The following FILIP1L variants were observed in gnomAD, a reference collection of about 807,000 sequenced individuals.
FILIP1L encodes the protein filamin A interacting protein 1 like.
In FILIP1L, 55 loss-of-function variants were observed where a neutral mutation model predicts 96.6. The ratio of observed to expected loss-of-function variants is 0.57; its 90% CI spans 0.46 to 0.71. The LOEUF (loss-of-function observed/expected upper bound fraction) is 0.71. FILIP1L is among the 30% of genes least tolerant of loss of function. The pLI, the probability that FILIP1L is intolerant of heterozygous loss-of-function variation, is 0.00. For synonymous variants in FILIP1L, 467 were observed against 473.9 expected (o/e 0.99, Z 0.19); for missense variants, 1,304 against 1,321.2 (o/e 0.99, Z 0.20).
At chr3:100,037,037 A>G (rs979800272) in intron 1 of FILIP1L, among the ~76,000 whole-genome samples, 26 of 152,214 alleles carry the variant, frequency 1.7e-4, no homozygotes, top group Admixed American at 9.2e-4. Flanking sequence ...CCAAAGAGAC[A>G]TAAAAACTAA....
intron 1 of FILIP1L, among the ~76,000 whole-genome samples, chr3:100,017,752 C>T (rs1202583190): frequency 6.6e-6 from 1 of 151,928 alleles, no homozygotes; most frequent in Non-Finnish European, 1.5e-5. Flanking sequence ...AAGTGAGACA[C>T]TGTCTCTAAA....
chr3:99,906,160 C>T (rs1466273490), intron 4 of FILIP1L, among the ~76,000 whole-genome samples: 1 of 152,176 alleles, frequency 6.6e-6, no homozygotes, highest in Non-Finnish European at 1.5e-5. Flanking sequence ...CACCACTGTA[C>T]TCCATCCACC....
At chr3:99,916,022 A>G (rs1706939460) in intron 4 of FILIP1L, among the ~76,000 whole-genome samples, 1 of 152,202 alleles carries the variant, frequency 6.6e-6, no homozygotes, top group Non-Finnish European at 1.5e-5. Context: ...GTAATGGTTA[A>G]TTTTATGTGT....
At chr3:100,044,060 A>G (rs1483692313) in intron 1 of FILIP1L, among the ~76,000 whole-genome samples, 1 of 152,208 alleles carries the variant, frequency 6.6e-6, no homozygotes, top group East Asian at 1.9e-4. Context: ...GGGTGTATAT[A>G]CCATATTTCT....
chr3:100,092,535 C>G (rs574285431), intron 1 of FILIP1L, among the ~76,000 whole-genome samples: 1 of 151,550 alleles, frequency 6.6e-6, no homozygotes, highest in East Asian at 1.9e-4. Context: ...TTAAAATACC[C>G]TTGCATGTGT....
intron 1 of FILIP1L, among the ~76,000 whole-genome samples, chr3:100,012,961 GTATT>G (rs1018199026): frequency 6.6e-6 from 1 of 151,676 alleles, no homozygotes; most frequent in Non-Finnish European, 1.5e-5. Context: ...ATGTATGTAT[GTATT>G]TATTTATTTA....
chr3:100,015,143 A>C (rs767330996), intron 1 of FILIP1L, among the ~76,000 whole-genome samples: 2 of 151,634 alleles, frequency 1.3e-5, no homozygotes, highest in Non-Finnish European at 2.9e-5. Context: ...CATTTGTTAA[A>C]GATGCTGTCC....
At chr3:100,002,896 T>C (rs1226917067) in intron 1 of FILIP1L, among the ~76,000 whole-genome samples, 1 of 152,144 alleles carries the variant, frequency 6.6e-6, no homozygotes, top group Non-Finnish European at 1.5e-5. Context: ...CTCTGATGAG[T>C]ATGTGTATGT....
At chr3:100,027,480 T>C (rs2107249761) in intron 1 of FILIP1L, among the ~76,000 whole-genome samples, 1 of 152,264 alleles carries the variant, frequency 6.6e-6, no homozygotes, top group Admixed American at 6.5e-5. Context: ...CAGCAGCTCC[T>C]TGTAGCTTGG....
At chr3:99,979,207 C>T (rs1184620056) in intron 1 of FILIP1L, among the ~76,000 whole-genome samples, 1 of 152,120 alleles carries the variant, frequency 6.6e-6, no homozygotes, top group Non-Finnish European at 1.5e-5. Context: ...TAAATATATA[C>T]AATTACCTAT....
chr3:100,112,025 C>T lies in FILIP1L; in HGVS notation c.-11+2028G>A, dbSNP rs1476930481. 3.3e-5 allele frequency among the ~76,000 whole-genome samples: 5 copies of T among 152,088 alleles called. No homozygotes were observed. The South Asian group carries it at 6.2e-4, about 19-fold the overall frequency. ...ACTGTTATAATCCCAATAACCAGCACGGGGCCTGGCACAGAGTAGGCATTC... is the reference window on the plus strand; with the variant it reads ...ACTGTTATAATCCCAATAACCAGCATGGGGCCTGGCACAGAGTAGGCATTC... On this transcript the variant is annotated intron_variant, in intron 1 of 5. Transcript: ENST00000477258.
chr3:99,936,103 T>C (rs1254152082), intron 1 of FILIP1L, among the ~76,000 whole-genome samples: 2 of 152,208 alleles, frequency 1.3e-5, no homozygotes, highest in Non-Finnish European at 2.9e-5. Context: ...TTACTCATTT[T>C]TGTTTTAGAA....
intron 1 of FILIP1L, among the ~76,000 whole-genome samples, chr3:100,068,595 C>G (rs2065707437): frequency 6.6e-6 from 1 of 152,278 alleles, no homozygotes; most frequent in South Asian, 2.1e-4. Context: ...GTTTACTTTT[C>G]TAAAACATGA....
At chr3:99,887,722 A>G (rs1382608279) in intron 4 of FILIP1L, among the ~76,000 whole-genome samples, 2 of 152,206 alleles carry the variant, frequency 1.3e-5, no homozygotes, top group Non-Finnish European at 1.5e-5. Flanking sequence ...AGATATACAT[A>G]TAATATAGAT....
At position 99,952,995 on chromosome 3, in the gene FILIP1L, G is replaced by A. The variant is rs142588325; in HGVS notation, c.-10-21965C>T. On this transcript the variant is annotated intron_variant, in intron 1 of 5. Transcript: ENST00000477258. ...TTGGTTTTTGTCACTGAACTGAGTG[G>A]TCTCTGAAGGTGGATTTTCTCATGA... is the stretch of plus-strand genomic sequence containing the variant. 4.3e-3 allele frequency among the ~76,000 whole-genome samples: 662 copies of A among 152,214 alleles called. 7 individuals carry two copies. The highest frequency in any genetic ancestry group is 0.016 in the African/African-American group (649 of 41,530).
intron 1 of FILIP1L, among the ~76,000 whole-genome samples, chr3:100,027,865 C>A (rs2064955045): frequency 6.6e-6 from 1 of 152,096 alleles, no homozygotes; most frequent in Admixed American, 6.6e-5. Context: ...AGGAAGAGAA[C>A]AAGTGAAACT....
intron 1 of FILIP1L, among the ~76,000 whole-genome samples, chr3:99,953,818 G>T (rs1708245886): frequency 6.6e-6 from 1 of 152,152 alleles, no homozygotes; most frequent in Non-Finnish European, 1.5e-5. Flanking sequence ...TTATTCAGTT[G>T]TGCCCTTTCA....
chr3:100,017,630 A>T (rs187799746), intron 1 of FILIP1L, among the ~76,000 whole-genome samples: 2 of 152,194 alleles, frequency 1.3e-5, no homozygotes, highest in Non-Finnish European at 1.5e-5. Flanking sequence ...ATTATCTGAC[A>T]TGTAAAGTTG....
At chr3:100,046,168 A>G (rs1260931165) in intron 1 of FILIP1L, among the ~76,000 whole-genome samples, 2 of 152,204 alleles carry the variant, frequency 1.3e-5, no homozygotes, top group Non-Finnish European at 2.9e-5. Context: ...CAAATTTCCC[A>G]GGGCACTGAT....
Sources: gnomAD v4.1 joint callset for allele counts (sites outside exome capture counted in the v4.1 genomes callset) on GRCh38, gnomAD v4.1.1 for gene constraint, MANE v1.5 for transcripts, NCBI Gene and HGNC (gene_info 2026-07-23, HGNC 2026-07-21) for gene names.